Variants in ZFHX3 observed in about 807,000 individuals in gnomAD.
ZFHX3 encodes zinc finger homeobox protein 3.
A neutral mutation model predicts 279.1 loss-of-function variants in ZFHX3; 42 were observed. That is an observed-to-expected ratio of 0.15 (90% CI 0.12 to 0.19). The LOEUF is 0.19. ZFHX3 is among the 10% of genes least tolerant of loss of function. The probability of loss-of-function intolerance (pLI) is 1.00; values close to 1 mark genes in which losing one functional copy is unlikely to be tolerated. For missense variants in ZFHX3, 4,981 were observed against 4,754.0 expected (o/e 1.05, Z -1.40); for synonymous variants, 2,293 against 1,957.8 (o/e 1.17, Z -4.52).
intron 3 of ZFHX3, among the ~76,000 whole-genome samples, chr16:73,438,757 C>T (rs920965533): frequency 6.6e-6 from 1 of 152,206 alleles, no homozygotes; most frequent in African/African-American, 2.4e-5. Flanking sequence ...TTATTTTCAG[C>T]ATCCTCTTGA....
At chr16:73,117,118 A>ATAAT (rs1966441880) in intron 7 of ZFHX3, among the ~76,000 whole-genome samples, 1 of 152,244 alleles carries the variant, frequency 6.6e-6, no homozygotes, top group African/African-American at 2.4e-5. Context: ...GGTATGACAC[A>ATAAT]TTAGTGGACT....
chr16:73,386,751 C>CAAAAAA (rs10639035), intron 3 of ZFHX3: 2 of 147,870 alleles, frequency 1.4e-5, no homozygotes, highest in African/African-American at 5.0e-5. Context: ...TATGTGGAAG[C>CAAAAAA]AAAAAAAAAA....
At chr16:73,604,077 T>C (rs2052152920) in intron 2 of ZFHX3, among the ~76,000 whole-genome samples, 1 of 152,028 alleles carries the variant, frequency 6.6e-6, no homozygotes, top group African/African-American at 2.4e-5. Context: ...AGCCCAGCCA[T>C]TCTATATTAT....
intron 8 of ZFHX3, among the ~76,000 whole-genome samples, chr16:73,091,135 C>T (rs903760184): frequency 6.6e-6 from 1 of 151,000 alleles, no homozygotes; most frequent in South Asian, 2.1e-4. Context: ...GGCATGAACC[C>T]GGGAGGTGGG....
intron 5 of ZFHX3, among the ~76,000 whole-genome samples, chr16:73,196,748 T>A (rs1242124578): frequency 6.6e-6 from 1 of 152,128 alleles, no homozygotes; most frequent in Non-Finnish European, 1.5e-5. Flanking sequence ...TACGTGTAGG[T>A]GGCACTTAAA....
intron 2 of ZFHX3, among the ~76,000 whole-genome samples, chr16:73,640,173 A>T (rs952932911): frequency 6.6e-6 from 1 of 152,204 alleles, no homozygotes; most frequent in African/African-American, 2.4e-5. Context: ...ATTCAGTGAA[A>T]GTTTGCAAGC....
chr16:73,049,355 T>C (rs886659793), upstream of ZFHX3, among the ~76,000 whole-genome samples: 4 of 152,174 alleles, frequency 2.6e-5, no homozygotes, highest in East Asian at 1.9e-4. Context: ...ATGCAAGTGT[T>C]AGAAATATAA....
At chr16:73,369,944 G>T (rs763220469) in intron 3 of ZFHX3, among the ~76,000 whole-genome samples, 4 of 152,036 alleles carry the variant, frequency 2.6e-5, no homozygotes, top group Non-Finnish European at 5.9e-5. Flanking sequence ...TATATCGCTT[G>T]GTCAGACTGT....
At chr16:73,595,093 G>A (rs957647829) in intron 2 of ZFHX3, among the ~76,000 whole-genome samples, 10 of 152,248 alleles carry the variant, frequency 6.6e-5, no homozygotes, top group African/African-American at 2.4e-4. Flanking sequence ...TGTTACACAG[G>A]ATGCTTTCCC....
At position 73,033,536 on chromosome 16, in the gene ZFHX3, G is replaced by T. The variant is rs886999135; in HGVS notation, c.-50+14216C>A. On this transcript the variant is annotated intron_variant, in intron 1 of 9. Transcript: ENST00000268489. ...GGGGGAAAGGGGGCAGGCGGGGGGT[G>T]GGGGGGGACTGGCACTCCTTTTAAA... 8.8e-4 allele frequency among the ~76,000 whole-genome samples: 122 copies of T among 138,496 alleles called. 1 individual carries two copies. Among genetic ancestry groups the T allele is most frequent in the Admixed American group, 7.1e-3 (104 of 14,586 alleles). 90.9% of individuals were successfully genotyped at this position (138,496 alleles called of 152,430 possible). A position where few individuals can be genotyped will look rare whatever the true frequency, so the allele number is the denominator to read the frequency against.
At chr16:73,756,930 A>C (rs1212212419) in intron 1 of ZFHX3, among the ~76,000 whole-genome samples, 2 of 152,184 alleles carry the variant, frequency 1.3e-5, no homozygotes, top group African/African-American at 4.8e-5. Flanking sequence ...TGGGGACTTT[A>C]GAGAGCTACA....
chr16:73,298,646 T>C (rs2014981980), intron 4 of ZFHX3, among the ~76,000 whole-genome samples: 1 of 152,138 alleles, frequency 6.6e-6, no homozygotes, highest in Non-Finnish European at 1.5e-5. Context: ...GCTGTGATGC[T>C]CTTAACTGTG....
At chr16:73,131,554 G>A (rs769700202) in intron 6 of ZFHX3, among the ~76,000 whole-genome samples, 5 of 152,188 alleles carry the variant, frequency 3.3e-5, no homozygotes, top group Middle Eastern at 3.2e-3. Flanking sequence ...AGAGACTTTA[G>A]GACCCAGAGA....
Position 72,787,558 on chromosome 16 carries a change from G to C in ZFHX3, c.10718C>G (p.Pro3573Arg). The part of the protein sequence containing the change: ...RNAKEHPSLL[P>R]HSACFPDPST... ...AGGATCGGGGAAGCAGGCAGAGTGA[G>C]GTAATAAACTAGGGTGCTCTTTGGC... Residue 3573 changes from proline (P) to arginine (R), a missense_variant, in exon 10 of 10, where the codon CCT (proline) becomes CGT (arginine). Coordinates refer to ENST00000268489, the MANE Select transcript of ZFHX3 (RefSeq NM_006885.4). The C allele has an allele frequency of 6.2e-7, 1 of 1,613,996 alleles. No homozygotes were observed. The highest frequency in any genetic ancestry group is 8.5e-7 in the Non-Finnish European group (1 of 1,179,966).
chr16:73,086,525 G>GAA lies in ZFHX3; in HGVS notation c.-533+6709_-533+6710insTT, dbSNP rs1204785775. On this transcript the variant is annotated intron_variant, in intron 8 of 17. Transcript: ENST00000641206. ...TATATACACAATGGAATATTACTCAGCTACAAAAAAAGAATTAAATCCTGT... is the reference window on the plus strand; with the variant it reads ...TATATACACAATGGAATATTACTCAGAACTACAAAAAAAGAATTAAATCCTGT... 2.0e-5 allele frequency among the ~76,000 whole-genome samples: 3 copies of GAA among 152,238 alleles called. No homozygotes were observed. In the East Asian group the frequency reaches 5.8e-4, roughly 29 times the overall value.
intron 4 of ZFHX3, among the ~76,000 whole-genome samples, chr16:72,849,171 G>A (rs888331898): frequency 1.3e-5 from 2 of 152,182 alleles, no homozygotes; most frequent in East Asian, 1.9e-4. Context: ...AGCCACTGAC[G>A]GAGAGTGTCC....
intron 1 of ZFHX3, among the ~76,000 whole-genome samples, chr16:73,750,865 T>C (rs948852056): frequency 2.6e-5 from 4 of 151,728 alleles, no homozygotes; most frequent in African/African-American, 4.8e-5. Flanking sequence ...GGGAGTGAAA[T>C]ATGAGGAAAA....
At chr16:73,778,702 C>A (rs940857677) in intron 1 of ZFHX3, among the ~76,000 whole-genome samples, 2 of 152,202 alleles carry the variant, frequency 1.3e-5, no homozygotes, top group Non-Finnish European at 2.9e-5. Context: ...GTCTGAAGCG[C>A]CTTGCTGTTG....
chr16:72,936,513 T>G (rs764768232), intron 3 of ZFHX3, among the ~76,000 whole-genome samples: 1 of 152,212 alleles, frequency 6.6e-6, no homozygotes, highest in African/African-American at 2.4e-5. Flanking sequence ...AAAGCCTCTT[T>G]GACGACCAGA....
Sources: gnomAD v4.1 joint callset for allele counts (sites outside exome capture counted in the v4.1 genomes callset) on GRCh38, gnomAD v4.1.1 for gene constraint, MANE v1.5 for transcripts, NCBI Gene and HGNC (gene_info 2026-07-23, HGNC 2026-07-21) for gene names.